The following FMO2 variants were observed in gnomAD, a reference collection of about 807,000 sequenced individuals.
FMO2 encodes the protein flavin containing dimethylaniline monoxygenase 2, also known as flavin-containing monooxygenase 2.
A neutral mutation model predicts 41.6 loss-of-function variants in FMO2; 33 were observed. The observed-to-expected ratio is 0.79, with a 90% CI of 0.60 to 1.06. FMO2 has a LOEUF of 1.06. Ranked by LOEUF, FMO2 falls within the 50% of genes least tolerant of loss-of-function variation. The pLI is 0.00. For missense variants in FMO2, 619 were observed against 632.9 expected (o/e 0.98, Z 0.23); for synonymous variants, 214 against 219.6 (o/e 0.97, Z 0.23).
chr1:171,203,863 A>G lies in FMO2; in HGVS notation c.628-2A>G, dbSNP rs1328859543. 5 of 1,613,068 alleles carry G rather than the reference A, an allele frequency of 3.1e-6. No homozygotes were observed. In the South Asian group the frequency reaches 3.3e-5, roughly 11 times the overall value. On this transcript the variant is annotated splice_acceptor_variant, in intron 5 of 8. Transcript: ENST00000209929. LOFTEE classifies it high-confidence loss of function. Reference sequence around the variant, plus strand: ...TAAACTGCATTTCTTTTTGCTTGCCAGGTTTTTATCAGCACCAGGCATGGC... The same window carrying G: ...TAAACTGCATTTCTTTTTGCTTGCCGGGTTTTTATCAGCACCAGGCATGGC...
intron 2 of FMO2, among the ~76,000 whole-genome samples, chr1:171,187,805 A>T (rs142011022): frequency 1.1e-3 from 168 of 152,176 alleles, no homozygotes; most frequent in Non-Finnish European, 1.9e-3. Flanking sequence ...CTACTATCTA[A>T]ACACACTCAG....
intron 5 of FMO2, among the ~76,000 whole-genome samples, chr1:171,202,023 T>G (rs1410593959): frequency 6.6e-6 from 1 of 152,156 alleles, no homozygotes; most frequent in Non-Finnish European, 1.5e-5. Context: ...ATTTACATAC[T>G]TCTGACCAAA....
intron 4 of FMO2, 183 bp from the exon 5 acceptor site, chr1:171,199,163 G>A (rs2205723): frequency 2.1e-6 from 1 of 473,404 alleles, no homozygotes; most frequent in South Asian, 4.6e-5. Flanking sequence ...CCTCCCAAAG[G>A]GCTGGGATTA....
chr1:171,205,966 G>A (rs889851649), intron 7 of FMO2, among the ~76,000 whole-genome samples: 1 of 152,170 alleles, frequency 6.6e-6, no homozygotes, highest in African/African-American at 2.4e-5. Flanking sequence ...TTTTACCTCT[G>A]TGTTGTTTAA....
chr1:171,199,591 G>A (rs1658453715), intron 5 of FMO2, 103 bp downstream of exon 5: 1 of 1,147,278 alleles, frequency 8.7e-7, no homozygotes, highest in Non-Finnish European at 1.2e-6. Flanking sequence ...TCATTAACTA[G>A]TTGGTTGGTA....
intron 4 of FMO2, among the ~76,000 whole-genome samples, chr1:171,198,817 T>C (rs1049762208): frequency 2.0e-4 from 30 of 152,162 alleles, no homozygotes; most frequent in African/African-American, 7.2e-4. Context: ...ACCATTTATT[T>C]GTCTCTGATA....
At chr1:171,188,492 C>T (rs1241661326) in intron 2 of FMO2, among the ~76,000 whole-genome samples, 1 of 152,148 alleles carries the variant, frequency 6.6e-6, no homozygotes, top group Non-Finnish European at 1.5e-5. Context: ...CTCCACTCAA[C>T]GAAGTCAAAG....
intron 5 of FMO2, among the ~76,000 whole-genome samples, chr1:171,203,146 C>T (rs1263166128): frequency 6.6e-6 from 1 of 151,950 alleles, no homozygotes; most frequent in Non-Finnish European, 1.5e-5. Flanking sequence ...AATTTGAGAC[C>T]GACCTGGGCA....
chr1:171,207,146 T>C (rs1383498970), intron 7 of FMO2, among the ~76,000 whole-genome samples: 1 of 152,068 alleles, frequency 6.6e-6, no homozygotes, highest in African/African-American at 2.4e-5. Context: ...TTTCAACACA[T>C]CCAAAGCTCA....
intron 2 of FMO2, among the ~76,000 whole-genome samples, chr1:171,187,963 T>C (rs1057462622): frequency 2.6e-5 from 4 of 151,706 alleles, no homozygotes; most frequent in Non-Finnish European, 4.4e-5. Context: ...TATAATATGG[T>C]GGTCATTCCT....
At chr1:171,193,605 C>A in intron 3 of FMO2, 82 bp downstream of exon 3, 1 of 921,752 alleles carries the variant, frequency 1.1e-6, no homozygotes, top group African/African-American at 1.7e-5. Context: ...ATAATGAAAG[C>A]AATTATGAAT....
chr1:171,203,971 A>G lies in FMO2; in HGVS notation c.734A>G (p.Asn245Ser). 6.2e-7 allele frequency: 1 copy of G among 1,613,774 alleles called. No individual in the cohort carries two copies. The highest frequency in any genetic ancestry group is 8.5e-7 in the Non-Finnish European group (1 of 1,179,750). The change falls in exon 6 of 9, where the codon AAT becomes AGT. Residue 245 changes from asparagine to serine, a missense_variant. By Grantham distance (46) the Asn-to-Ser change is conservative (BLOSUM62 1). Coordinates refer to ENST00000209929, the MANE Select transcript of FMO2 (RefSeq NM_001460.5). ...FHTRFRSMLR[N>S]VLPRTAVKWM... ...ACCCGGTTTCGTTCTATGCTCCGCAATGTACTGCCACGAACAGCTGTAAAA... is the reference window on the plus strand; with the variant it reads ...ACCCGGTTTCGTTCTATGCTCCGCAGTGTACTGCCACGAACAGCTGTAAAA...
At chr1:171,188,889 C>G (rs372073238) in intron 2 of FMO2, 2 of 152,186 alleles carry the variant, frequency 1.3e-5, no homozygotes, top group African/African-American at 2.4e-5. Flanking sequence ...AGGTAATTAG[C>G]ATATATTTTT....
chr1:171,204,730 A>T (rs1658682549), intron 6 of FMO2, among the ~76,000 whole-genome samples: 1 of 152,216 alleles, frequency 6.6e-6, no homozygotes, highest in Non-Finnish European at 1.5e-5. Context: ...CAAAAAAAAT[A>T]AGCGGACTTT....
Position 171,209,406 on chromosome 1 carries a change from A to G in FMO2, c.*261A>G. On this transcript the variant is annotated 3_prime_UTR_variant, in exon 9 of 9. Coordinates refer to ENST00000209929, the MANE Select transcript of FMO2 (RefSeq NM_001460.5). Reference sequence around the variant, plus strand: ...ATGTAAAATAAAATAAGACTGGCTCAGGTAAGTAGTGCTGCCAACCCTGAT... The same window carrying G: ...ATGTAAAATAAAATAAGACTGGCTCGGGTAAGTAGTGCTGCCAACCCTGAT... 1 of 314,090 alleles carries G rather than the reference A, an allele frequency of 3.2e-6. No homozygotes were observed. 19.5% of individuals were successfully genotyped at this position (314,090 alleles called of 1,614,324 possible). A position where few individuals can be genotyped will look rare whatever the true frequency, so the allele number is the denominator to read the frequency against.
At chr1:171,195,300 T>G (rs900345242) in intron 3 of FMO2, among the ~76,000 whole-genome samples, 2 of 152,218 alleles carry the variant, frequency 1.3e-5, no homozygotes, top group African/African-American at 4.8e-5. Context: ...TCAGTGCTTC[T>G]CAAACTTTAA....
At chr1:171,195,249 G>A (rs1229985860) in intron 3 of FMO2, among the ~76,000 whole-genome samples, 1 of 152,190 alleles carries the variant, frequency 6.6e-6, no homozygotes, top group African/African-American at 2.4e-5. Flanking sequence ...CAGGCAAACT[G>A]TAACAAGCCC....
chr1:171,194,860 C>T (rs1658236379), intron 3 of FMO2, among the ~76,000 whole-genome samples: 1 of 152,120 alleles, frequency 6.6e-6, no homozygotes, highest in East Asian at 1.9e-4. Context: ...TATATAATAT[C>T]AACTTACAAT....
At chr1:171,197,616 T>C (rs906157134) in intron 4 of FMO2, among the ~76,000 whole-genome samples, 2 of 152,340 alleles carry the variant, frequency 1.3e-5, no homozygotes. Flanking sequence ...CCAAAACTCA[T>C]ATTGAGATTA....
Sources: allele counts gnomAD v4.1 joint callset (sites outside exome capture counted in the v4.1 genomes callset), GRCh38; gene constraint gnomAD v4.1.1; transcripts MANE v1.5; gene names NCBI Gene and HGNC (gene_info 2026-07-23, HGNC 2026-07-21).